The following FOXN2 variants were observed in gnomAD, a reference collection of about 807,000 sequenced individuals.
FOXN2 encodes the protein forkhead box N2.
FOXN2 carries 19 observed loss-of-function variants against 41.2 expected under a neutral mutation model. That is an observed-to-expected ratio of 0.46 (90% CI 0.32 to 0.68). The LOEUF (loss-of-function observed/expected upper bound fraction) is 0.68. FOXN2 is among the 30% of genes least tolerant of loss of function. The pLI is 0.03. For synonymous variants in FOXN2, 195 were observed against 176.8 expected (o/e 1.10, Z -0.82); for missense variants, 587 against 509.4 (o/e 1.15, Z -1.47).
At chr2:48,315,349 G>A (rs1021111654) in intron 1 of FOXN2, among the ~76,000 whole-genome samples, 2 of 152,198 alleles carry the variant, frequency 1.3e-5, no homozygotes, top group Non-Finnish European at 2.9e-5. Context: ...AGTAGTGCAC[G>A]GGGAGGTGCC....
intron 1 of FOXN2, among the ~76,000 whole-genome samples, chr2:48,322,004 AGTG>A (rs1558609564): frequency 1.3e-5 from 2 of 152,226 alleles, no homozygotes; most frequent in Non-Finnish European, 2.9e-5. Flanking sequence ...CCTGGAGCAC[AGTG>A]GCGTGATCTC....
chr2:48,342,920 T>C (rs1670869185), intron 2 of FOXN2, among the ~76,000 whole-genome samples: 1 of 152,258 alleles, frequency 6.6e-6, no homozygotes, highest in Non-Finnish European at 1.5e-5. Context: ...GCTGCCATAC[T>C]ATTTCTTTAC....
chr2:48,343,815 G>C (rs2104353910), intron 2 of FOXN2, among the ~76,000 whole-genome samples: 1 of 152,046 alleles, frequency 6.6e-6, no homozygotes, highest in South Asian at 2.1e-4. Flanking sequence ...GGAAAGGAAG[G>C]GCATTTATTG....
At chr2:48,366,799 T>A (rs534440914) in intron 5 of FOXN2, among the ~76,000 whole-genome samples, 13 of 151,982 alleles carry the variant, frequency 8.6e-5, no homozygotes, top group African/African-American at 2.7e-4. Flanking sequence ...GGATTCAGAT[T>A]GAATAATTCT....
chr2:48,373,254 A>G lies in FOXN2; in HGVS notation c.704-38A>G. ...AAATACTTAGAATAGCCTCTCCTTT[A>G]TAAAGAACATTAATATTATTACTTT... is the stretch of plus-strand genomic sequence containing the variant. On this transcript the variant is annotated intron_variant, in intron 5 of 6. Coordinates refer to ENST00000340553, the MANE Select transcript of FOXN2 (RefSeq NM_002158.4). 4.2e-6 allele frequency: 6 copies of G among 1,427,532 alleles called. No individual in the cohort carries two copies. The South Asian group carries it at 6.0e-5, about 14-fold the overall frequency. The allele number at this position is 1,427,532 out of a possible 1,614,324, so 88.4% of individuals were successfully genotyped here.
chr2:48,343,751 C>A (rs1459015753), intron 2 of FOXN2, among the ~76,000 whole-genome samples: 2 of 149,260 alleles, frequency 1.3e-5, no homozygotes. Flanking sequence ...GGAGTGAGAC[C>A]CTGTCTCTTT....
chr2:48,329,175 A>G (rs1669871014), intron 2 of FOXN2, among the ~76,000 whole-genome samples: 1 of 152,188 alleles, frequency 6.6e-6, no homozygotes, highest in African/African-American at 2.4e-5. Flanking sequence ...ACGAATGACT[A>G]CACTTTTATT....
intron 2 of FOXN2, chr2:48,340,608 G>C (rs1670689927): frequency 6.6e-6 from 1 of 152,132 alleles, no homozygotes; most frequent in Admixed American, 6.5e-5. Flanking sequence ...GGGTTCCAGA[G>C]TGATTGTACT....
intron 1 of FOXN2, among the ~76,000 whole-genome samples, chr2:48,323,250 A>G (rs1366865439): frequency 6.6e-6 from 1 of 152,146 alleles, no homozygotes; most frequent in African/African-American, 2.4e-5. Context: ...AATTAAGATA[A>G]TTAGAATATC....
chr2:48,373,091 C>T (rs981674769), intron 5 of FOXN2, among the ~76,000 whole-genome samples: 1 of 152,060 alleles, frequency 6.6e-6, no homozygotes, highest in Non-Finnish European at 1.5e-5. Flanking sequence ...GTATTGTTCA[C>T]AAAACTGTTT....
In FOXN2 at chr2:48,374,924, G is replaced by A. The variant is rs1270087121; in HGVS notation, c.777G>A (p.Glu259=). ...TGGAACTTTTATTTTCCACAGGTGAGAAGCCTCTTCCTCTTAAAACAGCAT... is the reference window on the plus strand; with the variant it reads ...TGGAACTTTTATTTTCCACAGGTGAAAAGCCTCTTCCTCTTAAAACAGCAT... ...TSIEQGILEC[E]KPLPLKTALQ... The change falls in exon 7 of 7, where the codon GAG becomes GAA. Residue 259 remains glutamate, a synonymous_variant. Coordinates refer to ENST00000340553, the MANE Select transcript of FOXN2 (RefSeq NM_002158.4). 3 of 1,606,346 alleles carry A rather than the reference G, an allele frequency of 1.9e-6. No homozygotes were observed. The highest frequency in any genetic ancestry group is 2.6e-6 in the Non-Finnish European group (3 of 1,175,138).
chr2:48,344,083 A>G (rs1450747896), intron 2 of FOXN2, among the ~76,000 whole-genome samples: 8 of 152,206 alleles, frequency 5.3e-5, no homozygotes, highest in Non-Finnish European at 2.9e-5. Context: ...GAAGCAAGAC[A>G]TTATTCAATT....
At position 48,335,526 on chromosome 2, in the gene FOXN2, A is replaced by G. The variant is rs116064391; in HGVS notation, c.-15+6824A>G. Among the ~76,000 whole-genome samples, 355 of 152,368 alleles carry G rather than the reference A, an allele frequency of 2.3e-3. 1 individual carries two copies. Among genetic ancestry groups the G allele is most frequent in the African/African-American group, 7.5e-3 (310 of 41,578 alleles). Reference sequence around the variant, plus strand: ...AGTGGACTATGAAATGATATGCAAGACAAAATAACAGCGTAGAATTCTATA... The same window carrying G: ...AGTGGACTATGAAATGATATGCAAGGCAAAATAACAGCGTAGAATTCTATA... On this transcript the variant is annotated intron_variant, in intron 2 of 6. Transcript: ENST00000340553.
At chr2:48,373,206 G>A (rs1011205340) in intron 5 of FOXN2, 86 bp from the exon 6 acceptor site, 20 of 886,288 alleles carry the variant, frequency 2.3e-5, no homozygotes, top group Middle Eastern at 3.2e-4. Flanking sequence ...AAATTGTAAC[G>A]CTGGTTATCT....
rs1233260820 is a variant in FOXN2 at position 48,378,430 on chromosome 2, C to T, written c.*2987C>T. 3 of 150,676 alleles carry T rather than the reference C, an allele frequency of 2.0e-5. No individual in the cohort carries two copies. The East Asian group carries it at 5.8e-4, about 29-fold the overall frequency. The allele number at this position is 150,676 out of a possible 1,614,324, so 9.3% of individuals were successfully genotyped here. ...TTTCTGAGGCATTATGTAAAGGGCT[C>T]ATACTAGATGTTCAGTTAAATATAC... On this transcript the variant is annotated 3_prime_UTR_variant, in exon 7 of 7. Coordinates refer to ENST00000340553, the MANE Select transcript of FOXN2 (RefSeq NM_002158.4).
intron 5 of FOXN2, among the ~76,000 whole-genome samples, chr2:48,368,853 C>T (rs1672703448): frequency 6.6e-6 from 1 of 152,124 alleles, no homozygotes; most frequent in Admixed American, 6.5e-5. Context: ...TGATTTGGAT[C>T]ATTCATTGCT....
rs903974274 is a variant in FOXN2, at chr2:48,344,183, C to G, written c.-14-2018C>G. Among the ~76,000 whole-genome samples, 7 of 152,110 alleles carry G rather than the reference C, an allele frequency of 4.6e-5. No individual in the cohort carries two copies. The South Asian group carries it at 1.5e-3, about 32-fold the overall frequency. On this transcript the variant is annotated intron_variant, in intron 2 of 6. Coordinates refer to ENST00000340553, the MANE Select transcript of FOXN2 (RefSeq NM_002158.4). ...ACTTACATAGTACAGGATATCAGTT[C>G]TGAAATACATTGTGTGCTCATATAT...
chr2:48,357,589 A>G (rs1671886964), intron 3 of FOXN2, among the ~76,000 whole-genome samples: 1 of 151,178 alleles, frequency 6.6e-6, no homozygotes, highest in Admixed American at 6.6e-5. Flanking sequence ...GGCGCGCACC[A>G]CCACACCAGG....
intron 4 of FOXN2, among the ~76,000 whole-genome samples, chr2:48,361,892 A>G (rs915533089): frequency 2.6e-5 from 4 of 152,224 alleles, no homozygotes; most frequent in African/African-American, 4.8e-5. Context: ...TTCCTTAACC[A>G]TGAATTTTGG....
Sources: gnomAD v4.1 joint callset for allele counts (sites outside exome capture counted in the v4.1 genomes callset) on GRCh38, gnomAD v4.1.1 for gene constraint, MANE v1.5 for transcripts, NCBI Gene and HGNC (gene_info 2026-07-23, HGNC 2026-07-21) for gene names.